The following ADGRB1 variants were observed in gnomAD, a reference collection of about 807,000 sequenced individuals.
The protein encoded by ADGRB1 is adhesion G protein-coupled receptor B1.
A neutral mutation model predicts 175.7 loss-of-function variants in ADGRB1; 36 were observed. That is an observed-to-expected ratio of 0.20 (90% CI 0.16 to 0.27). The LOEUF (loss-of-function observed/expected upper bound fraction) is 0.27, where lower values mean the gene tolerates loss of function less well. Among genes scored for constraint, ADGRB1 ranks in the 10% least tolerant of loss-of-function variants. The pLI is 1.00. For missense variants in ADGRB1, 1,731 were observed against 2,255.3 expected, an observed-to-expected ratio of 0.77 and a Z score of 4.71; for synonymous variants, 1,054 against 979.4, an observed-to-expected ratio of 1.08 and a Z score of -1.42.
Position 142,533,407 on chromosome 8 carries a change from G to A in ADGRB1, c.3511G>A (p.Val1171Ile). ...RSALFQILFA[V>I]FDSLEGFVIV... ...CGCCCTCTTCCAGATCCTCTTCGCTGTCTTCGACTCGCTGGAGGGCTTCGT... is the reference window on the plus strand; with the variant it reads ...CGCCCTCTTCCAGATCCTCTTCGCTATCTTCGACTCGCTGGAGGGCTTCGT... The change falls in exon 25 of 31, where the codon GTC becomes ATC. Residue 1171 changes from valine to isoleucine, a missense_variant. Transcript: ENST00000517894. 6.2e-7 allele frequency: 1 copy of A among 1,612,608 alleles called. No individual in the cohort carries two copies. The highest frequency in any genetic ancestry group is 8.5e-7 in the Non-Finnish European group (1 of 1,179,460).
Position 142,544,511 on chromosome 8 carries a change from C to T in ADGRB1, c.*94C>T, listed in dbSNP as rs556536006. The T allele has an allele frequency of 1.3e-5, 17 of 1,348,440 alleles. No homozygotes were observed. The highest frequency in any genetic ancestry group is 4.7e-5 in the African/African-American group (3 of 64,222). The allele number at this position is 1,348,440 out of a possible 1,614,324, so 83.5% of individuals were successfully genotyped here. On this transcript the variant is annotated 3_prime_UTR_variant, in exon 31 of 31. Transcript: ENST00000517894. ...CGGGCACAGACACGCTCGCGGGCAG[C>T]GGGCCAGGCCCGCACCCCGGCCTCA...
intron 16 of ADGRB1, among the ~76,000 whole-genome samples, chr8:142,490,438 C>T (rs1355424507): frequency 6.6e-6 from 1 of 152,182 alleles, no homozygotes; most frequent in Non-Finnish European, 1.5e-5. Flanking sequence ...GCTCACTAGG[C>T]CCCGGGGGAA....
rs142912857 is a variant in ADGRB1 at position 142,478,385 on chromosome 8, CG to C, written c.1561+31del. ...GGTCAGGGGTGCGCCAGGCTGGGGT[CG>C]GGGGGCACCTAACAAGCAGGAGCCT... On this transcript the variant is annotated intron_variant, in intron 7 of 30. Coordinates refer to ENST00000517894, the MANE Select transcript of ADGRB1 (RefSeq NM_001702.3). 3.1e-4 allele frequency: 491 copies of C among 1,564,674 alleles called. 1 individual carries two copies. In the African/African-American group the frequency reaches 5.8e-3, roughly 18 times the overall value.
chr8:142,452,769 C>A (rs1460426130), intron 1 of ADGRB1, among the ~76,000 whole-genome samples: 1 of 151,864 alleles, frequency 6.6e-6, no homozygotes, highest in Non-Finnish European at 1.5e-5. Flanking sequence ...CCTCCGCCCC[C>A]GGTCGGCCCG....
intron 26 of ADGRB1, 25 bp from the exon 27 acceptor site, chr8:142,539,349 C>A (rs2132268914): frequency 3.2e-6 from 5 of 1,572,632 alleles, no homozygotes; most frequent in Middle Eastern, 1.7e-4. Context: ...GGCGCTCACC[C>A]TGCCCTGTTG....
chr8:142,488,078 G>A (rs1841776457), intron 13 of ADGRB1, among the ~76,000 whole-genome samples: 2 of 152,156 alleles, frequency 1.3e-5, no homozygotes, highest in African/African-American at 4.8e-5. Flanking sequence ...CATGGAGGGT[G>A]GGAGGGGCAG....
chr8:142,495,587 C>CTAG (rs1027479624), intron 17 of ADGRB1, among the ~76,000 whole-genome samples: 1 of 152,054 alleles, frequency 6.6e-6, no homozygotes, highest in Non-Finnish European at 1.5e-5. Flanking sequence ...TTGCCTCTTC[C>CTAG]AGCTTCTGGT....
intron 13 of ADGRB1, among the ~76,000 whole-genome samples, chr8:142,486,026 C>T (rs560529162): frequency 6.6e-6 from 1 of 152,316 alleles, no homozygotes; most frequent in African/African-American, 2.4e-5. Flanking sequence ...AAAGGCCCCA[C>T]CACCAAGTAC....
At chr8:142,524,154 C>A in intron 22 of ADGRB1, 84 bp from the exon 23 acceptor site, 1 of 1,443,592 alleles carries the variant, frequency 6.9e-7, no homozygotes. Flanking sequence ...CTTCCCAGCT[C>A]ACCCCTACTC....
chr8:142,544,435 A>G lies in ADGRB1; in HGVS notation c.*18A>G. ...AGGTCTGAGCGGGTGGGCGGCGGCC[A>G]CGCACTGGGCCACGGAGGAGGGATG... On this transcript the variant is annotated 3_prime_UTR_variant, in exon 31 of 31. Coordinates refer to ENST00000517894, the MANE Select transcript of ADGRB1 (RefSeq NM_001702.3). 1 of 1,458,400 alleles carries G rather than the reference A, an allele frequency of 6.9e-7. No individual in the cohort carries two copies. Among genetic ancestry groups the G allele is most frequent in the African/African-American group, 1.4e-5 (1 of 69,972 alleles). 90.3% of individuals were successfully genotyped at this position (1,458,400 alleles called of 1,614,324 possible). A position where few individuals can be genotyped will look rare whatever the true frequency, so the allele number is the denominator to read the frequency against.
chr8:142,488,903 C>A, intron 14 of ADGRB1, 132 bp from the exon 15 acceptor site: 1 of 1,150,202 alleles, frequency 8.7e-7, no homozygotes, highest in Non-Finnish European at 1.2e-6. Flanking sequence ...GCCTCACCAT[C>A]CGCCAGGGCC....
chr8:142,491,747 CT>C (rs1841991664), intron 17 of ADGRB1, among the ~76,000 whole-genome samples: 1 of 152,326 alleles, frequency 6.6e-6, no homozygotes, highest in East Asian at 1.9e-4. Flanking sequence ...CCCTGCACCC[CT>C]TTCCCGGGCC....
rs1843057189 is a variant in ADGRB1, at chr8:142,510,812, G to A, written c.2676-120G>A. 1 of 367,362 alleles carries A rather than the reference G, an allele frequency of 2.7e-6. No homozygotes were observed. The highest frequency in any genetic ancestry group is 2.2e-5 in the African/African-American group (1 of 44,542). The allele number at this position is 367,362 out of a possible 1,614,324, so 22.8% of individuals were successfully genotyped here. A position where few individuals can be genotyped will look rare whatever the true frequency, so the allele number is the denominator to read the frequency against. On this transcript the variant is annotated intron_variant, in intron 17 of 30. Coordinates refer to ENST00000517894, the MANE Select transcript of ADGRB1 (RefSeq NM_001702.3). This position sits in a 1 kb window ranked among gnomAD's most constrained non-coding sequence, Gnocchi z 6.3. Reference sequence around the variant, plus strand: ...GGCGCGCGGCTGCGGGCGCAGGTGCGGGGCGGCGGGCCGGGGCCGGGGCCG... The same window carrying A: ...GGCGCGCGGCTGCGGGCGCAGGTGCAGGGCGGCGGGCCGGGGCCGGGGCCG...
rs866167233 is a variant in ADGRB1 at position 142,537,709 on chromosome 8, C to T, written c.3666+627C>T. Among the ~76,000 whole-genome samples, 8 of 152,136 alleles carry T rather than the reference C, an allele frequency of 5.3e-5. No homozygotes were observed. The highest frequency in any genetic ancestry group is 8.8e-5 in the Non-Finnish European group (6 of 68,004). The stretch of plus-strand genomic sequence containing the variant: ...CACCCCCCGCCCCTGCCTGTGCCTG[C>T]GCCTGTCCTCTTTACAGCACAGCGT... On this transcript the variant is annotated intron_variant, in intron 26 of 30. Transcript: ENST00000517894. This position sits in a 1 kb window ranked among gnomAD's most constrained non-coding sequence, Gnocchi z 4.6.
In ADGRB1 at chr8:142,464,829, AC is replaced by A; in HGVS notation, c.636del (p.Cys213AlafsTer24). 6.5e-7 allele frequency: 1 copy of A among 1,530,112 alleles called. No individual in the cohort carries two copies. Among genetic ancestry groups the A allele is most frequent in the Non-Finnish European group, 8.7e-7 (1 of 1,143,830 alleles). The allele number at this position is 1,530,112 out of a possible 1,614,324, so 94.8% of individuals were successfully genotyped here. ...CTCGCACCCCTGCGGGATCATGCAG[AC>A]CCCCTGCGCCTGCCTGGGCGGCGAG... ...RSSHPCGIMQTPCACLGGEAG... is the reference protein window; with the variant it reads ...RSSHPCGIMQXPCACLGGEAG... On this transcript the variant is annotated frameshift_variant, in exon 2 of 31. Coordinates refer to ENST00000517894, the MANE Select transcript of ADGRB1 (RefSeq NM_001702.3). LOFTEE classifies it high-confidence loss of function.
chr8:142,533,701 C>T (rs566393325), intron 25 of ADGRB1, among the ~76,000 whole-genome samples: 45 of 152,300 alleles, frequency 3.0e-4, no homozygotes, highest in Non-Finnish European at 1.0e-4. Flanking sequence ...GGATGCCCTG[C>T]GCCCGCACTG....
chr8:142,541,238 C>T (rs2132281291), intron 27 of ADGRB1, among the ~76,000 whole-genome samples: 1 of 152,124 alleles, frequency 6.6e-6, no homozygotes, highest in South Asian at 2.1e-4. Flanking sequence ...TGGGGTTCTC[C>T]GCCAGCCAGT....
rs780418525 is a variant in ADGRB1, at chr8:142,533,433, C to T, written c.3537C>T (p.Val1179=). ...FAVFDSLEGF[V]IVMVHCILRR... ...TCTTCGACTCGCTGGAGGGCTTCGT[C>T]ATCGTCATGGTGCACTGTATCCTCC... Residue 1179 remains valine (V), a synonymous_variant, in exon 25 of 31, where the codon GTC becomes GTT. Coordinates refer to ENST00000517894, the MANE Select transcript of ADGRB1 (RefSeq NM_001702.3). The T allele has an allele frequency of 1.9e-5, 30 of 1,612,220 alleles. No homozygotes were observed. Among genetic ancestry groups the T allele is most frequent in the Non-Finnish European group, 2.5e-5 (30 of 1,179,170 alleles).
At position 142,484,763 on chromosome 8, in the gene ADGRB1, G is replaced by T; in HGVS notation, c.2307G>T (p.Leu769=). 4 of 1,597,756 alleles carry T rather than the reference G, an allele frequency of 2.5e-6. No individual in the cohort carries two copies. The highest frequency in any genetic ancestry group is 2.3e-5 in the East Asian group (1 of 44,242). Residue 769 remains leucine (L), a splice_region_variant and synonymous_variant, in exon 13 of 31, where the codon CTG becomes CTT. Transcript: ENST00000517894. ...ATGCATACCAGGTGACAGACAACCT[G>T]GGTAAGCCTGCCCGCCTGCTGCCAC... ...LRDAYQVTDN[L]VLSIHKLPAS...
Sources: gnomAD v4.1 joint callset for allele counts (sites outside exome capture counted in the v4.1 genomes callset) on GRCh38, gnomAD v4.1.1 for gene constraint, Gnocchi (gnomAD v3.1) non-coding constraint, MANE v1.5 for transcripts, NCBI Gene and HGNC (gene_info 2026-07-23, HGNC 2026-07-21) for gene names.